Variants in ASPRV1 observed in about 807,000 individuals in gnomAD.
The protein encoded by ASPRV1 is retroviral-like aspartic protease 1.
ASPRV1 carries 7 observed loss-of-function variants against 11.0 expected under a neutral mutation model. The observed-to-expected ratio is 0.64, with a 90% confidence interval of 0.36 to 1.20. ASPRV1 has a LOEUF of 1.20. ASPRV1 is among the 50% of genes most tolerant of loss of function. The pLI is 0.02. For synonymous variants in ASPRV1, 136 were observed against 138.4 expected (o/e 0.98, Z 0.12); for missense variants, 299 against 320.0 (o/e 0.93, Z 0.50).
At chr2:70,013,504 A>C in the ASPRV1 span, among the ~76,000 whole-genome samples, 1 of 152,252 alleles carries the variant, frequency 6.6e-6, no homozygotes, top group Non-Finnish European at 1.5e-5. Flanking sequence ...ATCTTCTATT[A>C]AGCCAAACAT....
the ASPRV1 span, among the ~76,000 whole-genome samples, chr2:69,951,848 T>C: frequency 6.2e-4 from 94 of 152,252 alleles, no homozygotes; most frequent in African/African-American, 2.2e-3. Context: ...TGGTGAGTTT[T>C]TTATTTTCAT....
the ASPRV1 span, among the ~76,000 whole-genome samples, chr2:70,061,177 C>T: frequency 6.6e-6 from 1 of 151,996 alleles, no homozygotes; most frequent in African/African-American, 2.4e-5. Flanking sequence ...AGGTGAATCA[C>T]TTGAGGTCAG....
chr2:70,079,095 C>T, the ASPRV1 span, among the ~76,000 whole-genome samples: 1 of 152,200 alleles, frequency 6.6e-6, no homozygotes, highest in South Asian at 2.1e-4. Context: ...TCCAGAGATG[C>T]AGATTTGAGA....
the ASPRV1 span, among the ~76,000 whole-genome samples, chr2:70,018,581 G>A: frequency 6.6e-6 from 1 of 151,914 alleles, no homozygotes; most frequent in Admixed American, 6.6e-5. Context: ...CAGACACATA[G>A]ACTAAAGGAA....
At chr2:70,078,711 G>C in the ASPRV1 span, among the ~76,000 whole-genome samples, 23 of 152,200 alleles carry the variant, frequency 1.5e-4, no homozygotes, top group South Asian at 6.2e-4. Context: ...AGAGTGGTGT[G>C]AATCCTACAT....
downstream of ASPRV1, among the ~76,000 whole-genome samples, chr2:69,956,457 A>G (rs569777437): frequency 1.4e-5 from 2 of 148,080 alleles, no homozygotes; most frequent in African/African-American, 5.2e-5. Context: ...AAGAGGAAGA[A>G]GAAGAAGAAG....
At chr2:70,050,576 A>G in the ASPRV1 span, 8 of 152,206 alleles carry the variant, frequency 5.3e-5, no homozygotes, top group African/African-American at 1.9e-4. Flanking sequence ...TTGAAAGGAA[A>G]TGACAAAATG....
At chr2:69,948,055 CAG>C in the ASPRV1 span, among the ~76,000 whole-genome samples, 1 of 148,802 alleles carries the variant, frequency 6.7e-6, no homozygotes, top group Non-Finnish European at 1.5e-5. Flanking sequence ...AGGAGTAAGC[CAG>C]AGAGACAGAG....
the ASPRV1 span, among the ~76,000 whole-genome samples, chr2:69,986,173 G>A: frequency 4.6e-5 from 7 of 152,296 alleles, no homozygotes; most frequent in South Asian, 2.1e-4. Flanking sequence ...TAAGCAAGGC[G>A]TCTAATATGA....
chr2:70,037,184 C>T, the ASPRV1 span, among the ~76,000 whole-genome samples: 1 of 152,220 alleles, frequency 6.6e-6, no homozygotes, highest in Non-Finnish European at 1.5e-5. Flanking sequence ...AGAGGAGTGG[C>T]TCCCCTTTCC....
chr2:70,002,814 T>C, the ASPRV1 span, among the ~76,000 whole-genome samples: 1 of 152,186 alleles, frequency 6.6e-6, no homozygotes, highest in East Asian at 1.9e-4. Flanking sequence ...CTGATCAGAA[T>C]AGCCCTATGT....
the ASPRV1 span, among the ~76,000 whole-genome samples, chr2:70,041,829 G>A: frequency 6.6e-6 from 1 of 152,212 alleles, no homozygotes; most frequent in African/African-American, 2.4e-5. Flanking sequence ...TTGGGAAGAA[G>A]AGGATTCAAA....
chr2:70,080,351 C>A, the ASPRV1 span, among the ~76,000 whole-genome samples: 54 of 152,194 alleles, frequency 3.5e-4, no homozygotes, highest in African/African-American at 1.3e-3. Context: ...CTCAGCCACC[C>A]AAGTAGCTGG....
the ASPRV1 span, among the ~76,000 whole-genome samples, chr2:69,946,554 T>G: frequency 3.4e-4 from 52 of 152,318 alleles, no homozygotes; most frequent in Non-Finnish European, 6.6e-4. Flanking sequence ...ATATGAGCAA[T>G]TATAATCATT....
chr2:69,944,199 G>A, the ASPRV1 span, among the ~76,000 whole-genome samples: 13 of 152,202 alleles, frequency 8.5e-5, no homozygotes, highest in African/African-American at 2.4e-4. Flanking sequence ...CTGTGGTTGC[G>A]GAGAGGAAGC....
chr2:70,013,389 T>G, the ASPRV1 span, among the ~76,000 whole-genome samples: 1 of 152,190 alleles, frequency 6.6e-6, no homozygotes, highest in East Asian at 1.9e-4. Flanking sequence ...AAAATACTAT[T>G]TTTTCCAACT....
chr2:69,946,827 G>C, the ASPRV1 span, among the ~76,000 whole-genome samples: 1 of 152,144 alleles, frequency 6.6e-6, no homozygotes, highest in Admixed American at 6.5e-5. Flanking sequence ...CTATTTTCCA[G>C]GTAGTATCTC....
chr2:69,966,231 CCT>C (rs570267342), upstream of ASPRV1, among the ~76,000 whole-genome samples: 228 of 152,354 alleles, frequency 1.5e-3, no homozygotes, highest in Non-Finnish European at 2.1e-3. Flanking sequence ...CCGGTTCTCC[CCT>C]GTTTTTATCT....
At chr2:70,046,721 G>C in the ASPRV1 span, 1 of 152,204 alleles carries the variant, frequency 6.6e-6, no homozygotes, top group East Asian at 1.9e-4. Context: ...TGGTATAAAG[G>C]GGAACTGAAG....
Sources: allele counts gnomAD v4.1 joint callset (sites outside exome capture counted in the v4.1 genomes callset), GRCh38; gene constraint gnomAD v4.1.1; transcripts MANE v1.5; gene names NCBI Gene and HGNC (gene_info 2026-07-23, HGNC 2026-07-21).